RYR3: variants seen among roughly 807,000 people sequenced by gnomAD.
RYR3 encodes the protein brain ryanodine receptor-calcium release channel.
In RYR3, 207 loss-of-function variants were observed where a neutral mutation model predicts 584.3. The ratio of observed to expected loss-of-function variants is 0.35; its 90% CI spans 0.32 to 0.40. The LOEUF (loss-of-function observed/expected upper bound fraction) is 0.40, where lower values mean the gene tolerates loss of function less well. Ranked by LOEUF, RYR3 falls within the 10% of genes least tolerant of loss-of-function variation. The pLI is 1.00. For missense variants in RYR3, 5,616 were observed against 6,089.2 expected (o/e 0.92, Z 2.59); for synonymous variants, 2,416 against 2,248.5 (o/e 1.07, Z -2.11).
chr15:33,835,037 C>T lies in RYR3; in HGVS notation c.11533C>T (p.His3845Tyr), dbSNP rs2152976623. ...RLWDAVVGFL[H>Y]VFANMQMKLS... ...GTGGGACGCAGTGGTTGGCTTCCTC[C>T]ATGTCTTTGCTAATATGCAGATGAA... Residue 3845 changes from histidine (H) to tyrosine (Y), a missense_variant, in exon 87 of 104, where the codon CAT (histidine) becomes TAT (tyrosine). Coordinates refer to ENST00000634891, the MANE Select transcript of RYR3 (RefSeq NM_001036.6). 1 of 1,613,912 alleles carries T rather than the reference C, an allele frequency of 6.2e-7. No individual in the cohort carries two copies. Among genetic ancestry groups the T allele is most frequent in the East Asian group, 2.2e-5 (1 of 44,874 alleles).
chr15:33,560,835 A>T (rs1394101511), intron 10 of RYR3, among the ~76,000 whole-genome samples: 1 of 152,156 alleles, frequency 6.6e-6, no homozygotes, highest in African/African-American at 2.4e-5. Context: ...TAAAATCAGA[A>T]ATATGTTTTT....
At chr15:33,460,940 C>CTTTTTTTTTTTTTTT (rs66742049) in intron 1 of RYR3, among the ~76,000 whole-genome samples, 4,467 of 79,020 alleles carry the variant, frequency 0.057, 830 homozygotes, top group East Asian at 0.077. Flanking sequence ...TAATATCCAC[C>CTTTTTTTTTTTTTTT]TTTTTTTTTT....
intron 84 of RYR3, 145 bp from the exon 85 acceptor site, chr15:33,827,054 G>A (rs2077414192): frequency 1.4e-6 from 1 of 737,046 alleles, no homozygotes; most frequent in East Asian, 2.7e-5. Flanking sequence ...GCAGAGCTCT[G>A]CCCTGCAGGA....
chr15:33,760,124 C>T (rs916944467), intron 60 of RYR3, among the ~76,000 whole-genome samples: 8 of 152,220 alleles, frequency 5.3e-5, no homozygotes, highest in Non-Finnish European at 1.0e-4. Context: ...CTTACAAGAG[C>T]TCCTGAAGGA....
chr15:33,838,949 G>A lies in RYR3; in HGVS notation c.12969G>A (p.Arg4323=). The change falls in exon 89 of 104, where the codon AGG becomes AGA. Residue 4323 remains arginine (R), a synonymous_variant. Coordinates refer to ENST00000634891, the MANE Select transcript of RYR3 (RefSeq NM_001036.6). ...PTLESTVQKK[R]KAQAAEMKAA... ...TAGAGAGTACTGTACAGAAGAAGAG[G>A]AAAGCTCAGGTAAGTGTCATTTGTT... 2 of 1,607,174 alleles carry A rather than the reference G, an allele frequency of 1.2e-6. No individual in the cohort carries two copies. The highest frequency in any genetic ancestry group is 1.3e-5 in the African/African-American group (1 of 74,666).
Position 33,726,492 on chromosome 15 carries a change from C to T in RYR3, c.7019C>T (p.Pro2340Leu). Residue 2340 changes from proline to leucine, a missense_variant, in exon 46 of 104, where the codon CCC becomes CTC. By Grantham distance (98) the Pro-to-Leu change is moderately conservative. This residue lies in a region of RYR3 where 1,280 missense variants were observed against 1,426.2 expected (regional missense o/e 0.90). Coordinates refer to ENST00000634891, the MANE Select transcript of RYR3 (RefSeq NM_001036.6). ...VGIISIPLKLPSLNKDGSVSE... is the reference protein window; with the variant it reads ...VGIISIPLKLLSLNKDGSVSE... ...ATCATCAGCATCCCCTTGAAACTGC[C>T]CTCCCTCAACAAAGGTAAGGGGAGT... 6.3e-7 allele frequency: 1 copy of T among 1,597,452 alleles called. No homozygotes were observed. The highest frequency in any genetic ancestry group is 8.5e-7 in the Non-Finnish European group (1 of 1,171,790).
Position 33,635,594 on chromosome 15 carries a change from C to T in RYR3, c.3176-20C>T, listed in dbSNP as rs754828011. ...CTCTTTCCCTTCCACACCCTCTGTTCGCCTTTCTTCTCACAATAGCTGACT... is the reference window on the plus strand; with the variant it reads ...CTCTTTCCCTTCCACACCCTCTGTTTGCCTTTCTTCTCACAATAGCTGACT... On this transcript the variant is annotated intron_variant, in intron 25 of 103. Coordinates refer to ENST00000634891, the MANE Select transcript of RYR3 (RefSeq NM_001036.6). 31 of 1,599,308 alleles carry T rather than the reference C, an allele frequency of 1.9e-5. No individual in the cohort carries two copies. The highest frequency in any genetic ancestry group is 1.8e-4 in the East Asian group (8 of 44,778).
intron 28 of RYR3, 25 bp from the exon 29 acceptor site, chr15:33,646,326 A>C (rs577583720): frequency 6.4e-7 from 1 of 1,566,854 alleles, no homozygotes; most frequent in African/African-American, 1.3e-5. Context: ...TGGTATGTCA[A>C]GGTAAGGACT....
intron 1 of RYR3, among the ~76,000 whole-genome samples, chr15:33,464,343 G>A (rs2048275302): frequency 6.6e-6 from 1 of 151,134 alleles, no homozygotes; most frequent in South Asian, 2.1e-4. Context: ...GAAGGGAACA[G>A]CAAGTACAAG....
At chr15:33,840,628 T>G (rs1311538228) in intron 89 of RYR3, 197 bp from the exon 90 acceptor site, 3 of 602,084 alleles carry the variant, frequency 5.0e-6, no homozygotes, top group African/African-American at 3.7e-5. Context: ...TTTTCAAGTT[T>G]CAAATCTTTG....
chr15:33,725,178 C>CACACATATAT (rs1555426978), intron 45 of RYR3, among the ~76,000 whole-genome samples: 5 of 120,940 alleles, frequency 4.1e-5, no homozygotes, highest in Non-Finnish European at 5.6e-5. Context: ...CACACACACA[C>CACACATATAT]ACACACACAC....
At chr15:33,836,832 G>C in intron 87 of RYR3, 74 bp from the exon 88 acceptor site, 1 of 1,180,776 alleles carries the variant, frequency 8.5e-7, no homozygotes, top group South Asian at 1.3e-5. Context: ...TCCAGAGCAG[G>C]CTCTTCTCGC....
At position 33,641,577 on chromosome 15, in the gene RYR3, G is replaced by A. The variant is rs1041263601; in HGVS notation, c.3557-2734G>A. Among the ~76,000 whole-genome samples the A allele has an allele frequency of 8.5e-5, 13 of 152,228 alleles. No individual in the cohort carries two copies. In the Middle Eastern group the frequency reaches 0.01, roughly 119 times the overall value. ...AGCTGATTAAATGTATCTAGTTATC[G>A]AATCGTTTTCTCCAAGAGAAAGCGC... On this transcript the variant is annotated intron_variant, in intron 27 of 103. Transcript: ENST00000634891.
chr15:33,834,664 A>G (rs3815966), intron 86 of RYR3, among the ~76,000 whole-genome samples: 52,766 of 151,968 alleles, frequency 0.35, 9,391 homozygotes, highest in Middle Eastern at 0.49. Flanking sequence ...GTCAACCACA[A>G]CATTTCACTG....
At chr15:33,369,677 C>T (rs1976039184) in intron 1 of RYR3, among the ~76,000 whole-genome samples, 1 of 152,148 alleles carries the variant, frequency 6.6e-6, no homozygotes. Context: ...TCCTTCTCTG[C>T]TCTAGACTTT....
chr15:33,405,716 A>G (rs2042974864), intron 1 of RYR3, among the ~76,000 whole-genome samples: 1 of 152,224 alleles, frequency 6.6e-6, no homozygotes, highest in Non-Finnish European at 1.5e-5. Flanking sequence ...ATGAGGTTGC[A>G]AAGAGGGAAA....
chr15:33,670,635 A>G (rs1367868061), intron 38 of RYR3, 79 bp downstream of exon 38: 25 of 1,384,630 alleles, frequency 1.8e-5, no homozygotes, highest in Admixed American at 2.5e-5. Context: ...AAATACTGTA[A>G]GATAGATAGG....
At chr15:33,596,128 T>C (rs1023245210) in intron 16 of RYR3, among the ~76,000 whole-genome samples, 6 of 152,000 alleles carry the variant, frequency 3.9e-5, no homozygotes, top group African/African-American at 1.4e-4. Context: ...TTTTTATTCC[T>C]GGTTCCTTTT....
Position 33,853,670 on chromosome 15 carries a change from C to T in RYR3, c.13787C>T (p.Ser4596Phe), listed in dbSNP as rs1555492911. ...GAAGAGACCAAAGCAGAAGCGGCTT[C>T]TCTGGTGTCATGGTACAAAAAGCTT... ...PVEETKAEAA[S>F]LVSWLSSIDM... Residue 4596 changes from serine to phenylalanine, a missense_variant, in exon 96 of 104, where the codon TCT becomes TTT. By Grantham distance (155) the Ser-to-Phe change is radical (BLOSUM62 -2). Around this residue, in one of 9 missense-constraint regions of RYR3, gnomAD observed 918 missense variants for 887.4 expected, o/e 1.03. Coordinates refer to ENST00000634891, the MANE Select transcript of RYR3 (RefSeq NM_001036.6). The T allele has an allele frequency of 6.2e-7, 1 of 1,613,676 alleles. No homozygotes were observed.
Sources: allele counts gnomAD v4.1 joint callset (sites outside exome capture counted in the v4.1 genomes callset), GRCh38; gene constraint gnomAD v4.1.1; regional missense constraint gnomAD v4.1.1; transcripts MANE v1.5; gene names NCBI Gene and HGNC (gene_info 2026-07-23, HGNC 2026-07-21).